DENND1B: variants seen among roughly 807,000 people sequenced by gnomAD.
The protein encoded by DENND1B is DENN domain-containing protein 1B.
In DENND1B, 59 loss-of-function variants were observed where a neutral mutation model predicts 90.1. The observed-to-expected ratio is 0.65, with a 90% CI of 0.53 to 0.81. The LOEUF (loss-of-function observed/expected upper bound fraction) is 0.81, where lower values mean the gene tolerates loss of function less well. DENND1B is among the 40% of genes least tolerant of loss of function. DENND1B has a pLI of 0.00. For synonymous variants in DENND1B, 337 were observed against 324.6 expected (o/e 1.04, Z -0.41); for missense variants, 862 against 912.6 (o/e 0.94, Z 0.71).
chr1:197,734,918 T>A, intron 2 of DENND1B: 1 of 985,332 alleles, frequency 1.0e-6, no homozygotes, highest in Non-Finnish European at 1.2e-6. Flanking sequence ...CCTACTCTTT[T>A]AATAGACACA....
rs577766481 is a variant in DENND1B, at chr1:197,510,839, C to T, written c.1949G>A (p.Arg650Gln). ...GKHLPPSPRK[R>Q]VSSSGLTDSL... The stretch of plus-strand genomic sequence containing the variant: ...ATCTGTCAAACCACTAGAGGAAACC[C>T]GCTTCCTAGGAGATGGAGGGAGGTG... The change falls in exon 23 of 23, where the codon CGG becomes CAG. Residue 650 changes from arginine (R) to glutamine (Q), a missense_variant. By Grantham distance (43) the Arg-to-Gln change is conservative. Coordinates refer to ENST00000620048, the MANE Select transcript of DENND1B (RefSeq NM_001195215.2). 1.9e-5 allele frequency: 30 copies of T among 1,611,868 alleles called. No homozygotes were observed. The highest frequency in any genetic ancestry group is 4.5e-5 in the East Asian group (2 of 44,806).
chr1:197,781,646 G>A, the DENND1B span, among the ~76,000 whole-genome samples: 2 of 152,208 alleles, frequency 1.3e-5, no homozygotes, highest in African/African-American at 4.8e-5. Flanking sequence ...GTGGGGATTC[G>A]GGATCAATAT....
At chr1:197,665,173 T>C (rs1338615992) in intron 5 of DENND1B, among the ~76,000 whole-genome samples, 1 of 151,976 alleles carries the variant, frequency 6.6e-6, no homozygotes, top group African/African-American at 2.4e-5. Context: ...TAAATTCTAA[T>C]TTTTTTTCTG....
chr1:197,721,991 C>A (rs994211656), intron 2 of DENND1B, among the ~76,000 whole-genome samples: 19 of 152,108 alleles, frequency 1.2e-4, no homozygotes, highest in Non-Finnish European at 2.6e-4. Context: ...ATGCTGTATG[C>A]TGTATACATA....
At chr1:197,623,006 T>C (rs965165716) in intron 10 of DENND1B, among the ~76,000 whole-genome samples, 4 of 151,326 alleles carry the variant, frequency 2.6e-5, no homozygotes, top group Non-Finnish European at 5.9e-5. Context: ...TAGCATGCCT[T>C]ACAGGTAAAG....
chr1:197,696,620 T>C (rs1051899002), intron 3 of DENND1B, among the ~76,000 whole-genome samples: 3 of 151,576 alleles, frequency 2.0e-5, no homozygotes, highest in Non-Finnish European at 4.4e-5. Flanking sequence ...TAACACCAGT[T>C]TGAAATCTTT....
chr1:197,737,248 C>G (rs1033710662), intron 2 of DENND1B, among the ~76,000 whole-genome samples: 3 of 152,192 alleles, frequency 2.0e-5, no homozygotes, highest in Non-Finnish European at 2.9e-5. Context: ...GTGGTTGGAT[C>G]TAAGCACCAC....
At chr1:197,695,348 C>T (rs1034677867) in intron 3 of DENND1B, among the ~76,000 whole-genome samples, 1 of 150,474 alleles carries the variant, frequency 6.6e-6, no homozygotes, top group Non-Finnish European at 1.5e-5. Flanking sequence ...GTTGTATGTA[C>T]AAAGAAGCCG....
chr1:197,586,892 T>C (rs1013160743), intron 14 of DENND1B, among the ~76,000 whole-genome samples: 2 of 152,260 alleles, frequency 1.3e-5, no homozygotes, highest in East Asian at 1.9e-4. Flanking sequence ...ATATCCCATA[T>C]AAGAAGTGGT....
At chr1:197,560,730 C>T (rs1448271568) in intron 15 of DENND1B, among the ~76,000 whole-genome samples, 1 of 151,810 alleles carries the variant, frequency 6.6e-6, no homozygotes, top group Non-Finnish European at 1.5e-5. Flanking sequence ...CCTCAACCTC[C>T]AATAGGATTT....
intron 2 of DENND1B, among the ~76,000 whole-genome samples, chr1:197,724,498 C>A (rs570324946): frequency 6.6e-6 from 1 of 152,032 alleles, no homozygotes; most frequent in African/African-American, 2.4e-5. Context: ...AGAGATGGCA[C>A]CTCAGGCACA....
At position 197,508,586 on chromosome 1, in the gene DENND1B, C is replaced by T. The variant is rs1571672181; in HGVS notation, c.*1874G>A. 1 of 151,570 alleles carries T rather than the reference C, an allele frequency of 6.6e-6. No individual in the cohort carries two copies. The highest frequency in any genetic ancestry group is 2.1e-4 in the South Asian group (1 of 4,818). 9.4% of individuals were successfully genotyped at this position (151,570 alleles called of 1,614,324 possible). A position where few individuals can be genotyped will look rare whatever the true frequency, so the allele number is the denominator to read the frequency against. On this transcript the variant is annotated 3_prime_UTR_variant, in exon 23 of 23. Coordinates refer to ENST00000620048, the MANE Select transcript of DENND1B (RefSeq NM_001195215.2). ...AACGTAGGTTTTAAAAAAACTTGGTCATTTTCTTTAAATTATTTCAAACCC... is the reference window on the plus strand; with the variant it reads ...AACGTAGGTTTTAAAAAAACTTGGTTATTTTCTTTAAATTATTTCAAACCC...
chr1:197,722,124 T>C (rs988533978), intron 2 of DENND1B, among the ~76,000 whole-genome samples: 4 of 152,144 alleles, frequency 2.6e-5, no homozygotes, highest in African/African-American at 9.7e-5. Context: ...TTTAAGCAAT[T>C]AGTTCCAATA....
chr1:197,735,463 T>C lies in DENND1B; in HGVS notation c.83-20389A>G, dbSNP rs372544752. 1.1e-5 allele frequency: 17 copies of C among 1,526,210 alleles called. No homozygotes were observed. In the East Asian group the frequency reaches 1.2e-4, roughly 11 times the overall value. The allele number at this position is 1,526,210 out of a possible 1,614,324, so 94.5% of individuals were successfully genotyped here. The stretch of plus-strand genomic sequence containing the variant: ...ACTTCTCATGGGTTCTCGGGTACAT[T>C]TCCTTTGTTAGAAGAAGTGATCTAA... On this transcript the variant is annotated intron_variant, in intron 2 of 22. Transcript: ENST00000620048.
chr1:197,540,643 T>C (rs2125655423), intron 19 of DENND1B, among the ~76,000 whole-genome samples: 2 of 152,280 alleles, frequency 1.3e-5, no homozygotes, highest in South Asian at 4.1e-4. Context: ...CTTTTAAAAA[T>C]ATTCTTAGCA....
At position 197,681,325 on chromosome 1, in the gene DENND1B, T is replaced by C. The variant is rs182511692; in HGVS notation, c.127-7156A>G. Among the ~76,000 whole-genome samples the C allele has an allele frequency of 4.4e-3, 671 of 152,260 alleles. 3 individuals carry two copies. Among genetic ancestry groups the C allele is most frequent in the African/African-American group, 0.014 (602 of 41,564 alleles). ...ACATTGCAAAGTTATCCGATGTACA[T>C]ATCTGATGATTTCATCACACACAAA... On this transcript the variant is annotated intron_variant, in intron 3 of 22. Transcript: ENST00000620048.
chr1:197,580,031 TCA>T (rs1252739189), intron 15 of DENND1B, among the ~76,000 whole-genome samples: 6 of 150,920 alleles, frequency 4.0e-5, no homozygotes, highest in Non-Finnish European at 7.4e-5. Context: ...CTGCTAGCTC[TCA>T]TTTATAATTT....
At chr1:197,713,677 A>G (rs1396760798) in intron 3 of DENND1B, among the ~76,000 whole-genome samples, 1 of 89,904 alleles carries the variant, frequency 1.1e-5, no homozygotes, top group Admixed American at 1.8e-4. Context: ...TGGCACATGT[A>G]TACATATGTA....
chr1:197,574,296 AACAG>A (rs1167407977), intron 15 of DENND1B, among the ~76,000 whole-genome samples: 1 of 152,192 alleles, frequency 6.6e-6, no homozygotes, highest in African/African-American at 2.4e-5. Context: ...GTACACCAAT[AACAG>A]ACAATCGGAG....
Sources: gnomAD v4.1 joint callset for allele counts (sites outside exome capture counted in the v4.1 genomes callset) on GRCh38, gnomAD v4.1.1 for gene constraint, MANE v1.5 for transcripts, NCBI Gene and HGNC (gene_info 2026-07-23, HGNC 2026-07-21) for gene names.